The following POM121 variants were observed in gnomAD, a reference collection of about 807,000 sequenced individuals.
The protein encoded by POM121 is nuclear envelope pore membrane protein POM 121.
In POM121, 32 loss-of-function variants were observed where a neutral mutation model predicts 81.3. The observed-to-expected ratio is 0.39, with a 90% CI of 0.30 to 0.53. The LOEUF (loss-of-function observed/expected upper bound fraction) is 0.53. Among genes scored for constraint, POM121 ranks in the 20% least tolerant of loss-of-function variants. The pLI, the probability that POM121 is intolerant of heterozygous loss-of-function variation, is 0.66. For synonymous variants in POM121, 514 were observed against 694.2 expected (o/e 0.74, Z 4.08); for missense variants, 1,138 against 1,614.6 (o/e 0.70, Z 5.06).
At chr7:72,893,723 C>T (rs1233233251) in intron 3 of POM121, among the ~76,000 whole-genome samples, 1 of 152,166 alleles carries the variant, frequency 6.6e-6, no homozygotes, top group Admixed American at 6.5e-5. Context: ...CGTGACAGCA[C>T]GTAGTAGGTG....
chr7:72,883,332 G>A lies in POM121; in HGVS notation c.-521+3447G>A, dbSNP rs575981694. 8.5e-5 allele frequency among the ~76,000 whole-genome samples: 13 copies of A among 152,288 alleles called. No homozygotes were observed. In the South Asian group the frequency reaches 1.0e-3, roughly 12 times the overall value. Reference sequence around the variant, plus strand: ...ATTACAGGCGTGAGCCACTGCTCCCGGCCTAGAAATGTATTCTCACTGTAT... The same window carrying A: ...ATTACAGGCGTGAGCCACTGCTCCCAGCCTAGAAATGTATTCTCACTGTAT... On this transcript the variant is annotated intron_variant, in intron 1 of 15. Coordinates refer to the POM121 transcript ENST00000395270.
chr7:72,948,177 G>T lies in POM121; in HGVS notation c.*1943G>T. 1.4e-6 allele frequency: 2 copies of T among 1,436,834 alleles called. No individual in the cohort carries two copies. The highest frequency in any genetic ancestry group is 1.5e-5 in the South Asian group (1 of 66,424). 89.0% of individuals were successfully genotyped at this position (1,436,834 alleles called of 1,614,324 possible). On this transcript the variant is annotated 3_prime_UTR_variant, in exon 13 of 13. Transcript: ENST00000434423. ...TACACGCACTGGACGGCAGCGGGAGGCTGGGACTTTCCATTACAAATAGAG... is the reference window on the plus strand; with the variant it reads ...TACACGCACTGGACGGCAGCGGGAGTCTGGGACTTTCCATTACAAATAGAG...
At chr7:72,930,377 A>G (rs1554498392) in intron 5 of POM121, among the ~76,000 whole-genome samples, 1 of 152,246 alleles carries the variant, frequency 6.6e-6, no homozygotes, top group African/African-American at 2.4e-5. Context: ...AGACATTAGA[A>G]TTGTCTTTAA....
At chr7:72,934,099 T>C (rs574294259) in intron 5 of POM121, among the ~76,000 whole-genome samples, 4 of 149,098 alleles carry the variant, frequency 2.7e-5, no homozygotes, top group Non-Finnish European at 5.9e-5. Flanking sequence ...TTTTTCTTTC[T>C]TTTGAGACAG....
At chr7:72,887,726 C>T (rs1790870472) in intron 1 of POM121, among the ~76,000 whole-genome samples, 1 of 152,260 alleles carries the variant, frequency 6.6e-6, no homozygotes, top group African/African-American at 2.4e-5. Context: ...ACTCGGGAGG[C>T]TGAGGCAGAA....
chr7:72,889,616 C>T (rs1554490575), intron 1 of POM121, among the ~76,000 whole-genome samples: 1 of 152,168 alleles, frequency 6.6e-6, no homozygotes, highest in Non-Finnish European at 1.5e-5. Flanking sequence ...AAGCCATCCT[C>T]CTGCCTTAGC....
chr7:72,897,245 T>A (rs1299074000), intron 3 of POM121, among the ~76,000 whole-genome samples: 7 of 152,178 alleles, frequency 4.6e-5, no homozygotes, highest in African/African-American at 1.7e-4. Flanking sequence ...GAGAAGTGAT[T>A]ACTTTTTATA....
intron 1 of POM121, among the ~76,000 whole-genome samples, 154 bp downstream of exon 1, chr7:72,925,919 C>T (rs1477808290): frequency 6.6e-6 from 1 of 152,126 alleles, no homozygotes; most frequent in Non-Finnish European, 1.5e-5. Flanking sequence ...CCAGCTGTCT[C>T]CTGGCCTCTG....
At chr7:72,893,440 C>T (rs1377987225) in intron 3 of POM121, among the ~76,000 whole-genome samples, 4 of 151,842 alleles carry the variant, frequency 2.6e-5, no homozygotes, top group Admixed American at 6.6e-5. Flanking sequence ...AAAAATTAGC[C>T]GGGCGTGGTG....
At chr7:72,913,172 C>A (rs1274430961) in intron 3 of POM121, among the ~76,000 whole-genome samples, 2 of 152,214 alleles carry the variant, frequency 1.3e-5, no homozygotes, top group Non-Finnish European at 2.9e-5. Flanking sequence ...GGGAGAAAAT[C>A]AGCTCCATCA....
Position 72,946,455 on chromosome 7 carries a change from G to A in POM121, c.*221G>A, listed in dbSNP as rs1797699713. 1.4e-6 allele frequency: 2 copies of A among 1,394,126 alleles called. No homozygotes were observed. The highest frequency in any genetic ancestry group is 2.7e-4 in the Middle Eastern group (1 of 3,710). The allele number at this position is 1,394,126 out of a possible 1,614,324, so 86.4% of individuals were successfully genotyped here. ...CAGGATGCGGAGGGCCAAAGCCCGG[G>A]ACCTCTACTTGAACAGTTCTACTGG... On this transcript the variant is annotated 3_prime_UTR_variant, in exon 13 of 13. Transcript: ENST00000434423.
At chr7:72,919,169 G>A (rs1465395300) in intron 4 of POM121, among the ~76,000 whole-genome samples, 2 of 147,672 alleles carry the variant, frequency 1.4e-5, no homozygotes, top group Non-Finnish European at 3.0e-5. Flanking sequence ...GCCTCCCAAA[G>A]TGCTGGGATT....
upstream of POM121, chr7:72,924,738 G>T: frequency 4.9e-6 from 1 of 203,530 alleles, no homozygotes; most frequent in Non-Finnish European, 9.8e-6. Context: ...TAGAAATGGA[G>T]GGGGGAGGGA....
In POM121 at chr7:72,946,284, T is replaced by C. The variant is rs1797685151; in HGVS notation, c.*50T>C. 6.2e-7 allele frequency: 1 copy of C among 1,602,302 alleles called. No individual in the cohort carries two copies. The highest frequency in any genetic ancestry group is 1.1e-5 in the South Asian group (1 of 90,150). The stretch of plus-strand genomic sequence containing the variant: ...CCCACCCCTTCCCTAAATCTGGACC[T>C]TGGCACCTGCTAGGAAGAGCCTTGG... On this transcript the variant is annotated 3_prime_UTR_variant, in exon 13 of 13. Coordinates refer to ENST00000434423, the MANE Select transcript of POM121 (RefSeq NM_001387691.1).
intron 11 of POM121, among the ~76,000 whole-genome samples, chr7:72,944,596 A>G (rs1292520921): frequency 2.6e-5 from 4 of 152,112 alleles, no homozygotes; most frequent in African/African-American, 9.7e-5. Context: ...AGGTCAGCGG[A>G]CAGCTGGTGC....
In POM121 at chr7:72,943,027, C is replaced by G. The variant is rs148845443; in HGVS notation, c.3034C>G (p.Pro1012Ala). The change falls in exon 11 of 13, where the codon CCG becomes GCG. Residue 1012 changes from proline to alanine, a missense_variant. Physicochemically the swap from Pro to Ala is conservative, Grantham distance 27. Coordinates refer to ENST00000434423, the MANE Select transcript of POM121 (RefSeq NM_001387691.1). ...GGCTGCTGCACCCACACCTGCACCT[C>G]CGTCCATGATCAAGGTCGTGCCTGC... ...APAAAPTPAP[P>A]SMIKVVPAYV... 2.3e-4 allele frequency: 378 copies of G among 1,613,510 alleles called. 3 individuals are homozygous for G. Among genetic ancestry groups the G allele is most frequent in the East Asian group, 4.7e-4 (21 of 44,860 alleles).
intron 3 of POM121, among the ~76,000 whole-genome samples, chr7:72,893,453 G>A (rs1791513636): frequency 2.6e-5 from 4 of 151,924 alleles, no homozygotes; most frequent in African/African-American, 7.2e-5. Context: ...GCGTGGTGGC[G>A]GGCGCCTGCA....
intron 4 of POM121, among the ~76,000 whole-genome samples, chr7:72,919,689 C>G (rs1200753373): frequency 1.3e-5 from 2 of 152,040 alleles, no homozygotes; most frequent in African/African-American, 4.8e-5. Flanking sequence ...ACTATGTTGC[C>G]CGGGCTGGTC....
At chr7:72,934,985 T>G (rs1315892693) in intron 5 of POM121, among the ~76,000 whole-genome samples, 1 of 152,070 alleles carries the variant, frequency 6.6e-6, no homozygotes, top group Non-Finnish European at 1.5e-5. Flanking sequence ...CAGGACTGTC[T>G]TGTATCTTGG....
Sources: allele counts gnomAD v4.1 joint callset (sites outside exome capture counted in the v4.1 genomes callset), GRCh38; gene constraint gnomAD v4.1.1; transcripts MANE v1.5; gene names NCBI Gene and HGNC (gene_info 2026-07-23, HGNC 2026-07-21).